Variants in ATG10 observed in about 807,000 individuals in gnomAD.
ATG10 encodes the protein autophagy related 10.
Under a neutral mutation model 32.1 loss-of-function variants are expected in ATG10, and 30 were observed. The ratio of observed to expected loss-of-function variants is 0.94; its 90% CI spans 0.70 to 1.27. The LOEUF (loss-of-function observed/expected upper bound fraction) is 1.27, where lower values mean the gene tolerates loss of function less well. ATG10 is among the 50% of genes most tolerant of loss of function. The probability of loss-of-function intolerance (pLI) is 0.00; values close to 1 mark genes in which losing one functional copy is unlikely to be tolerated. For missense variants in ATG10, 233 were observed against 262.3 expected, an observed-to-expected ratio of 0.89 and a Z score of 0.77; for synonymous variants, 87 against 91.5, an observed-to-expected ratio of 0.95 and a Z score of 0.28.
chr5:82,103,643 A>G (rs1447593987), intron 3 of ATG10, among the ~76,000 whole-genome samples: 1 of 151,738 alleles, frequency 6.6e-6, no homozygotes, highest in African/African-American at 2.4e-5. Flanking sequence ...AGAAACCCAT[A>G]CTCAGTTATG....
At chr5:82,068,424 G>A (rs910509979) in intron 3 of ATG10, among the ~76,000 whole-genome samples, 1 of 152,028 alleles carries the variant, frequency 6.6e-6, no homozygotes, top group Non-Finnish European at 1.5e-5. Flanking sequence ...GGGAAGGATA[G>A]CATTAGGAGA....
intron 5 of ATG10, among the ~76,000 whole-genome samples, chr5:82,190,773 CAAAAAAAAAAAAAAA>C (rs35513819): frequency 3.1e-3 from 167 of 53,702 alleles, no homozygotes; most frequent in African/African-American, 9.6e-3. Context: ...GACTCCATCT[CAAAAAAAAAAAAAAA>C]AAAAAAAAAA....
chr5:82,163,704 A>G (rs1176170191), intron 3 of ATG10, among the ~76,000 whole-genome samples: 1 of 152,164 alleles, frequency 6.6e-6, no homozygotes, highest in Non-Finnish European at 1.5e-5. Flanking sequence ...CACACACAAA[A>G]ATCAACCAGT....
chr5:81,989,110 T>A (rs1761378980), intron 2 of ATG10, among the ~76,000 whole-genome samples: 1 of 152,366 alleles, frequency 6.6e-6, no homozygotes, highest in South Asian at 2.1e-4. Context: ...ATTACAAGCA[T>A]GAGCCACCAC....
At chr5:82,102,568 T>C (rs181953795) in intron 3 of ATG10, among the ~76,000 whole-genome samples, 304 of 152,296 alleles carry the variant, frequency 2.0e-3, no homozygotes, top group African/African-American at 6.7e-3. Context: ...AACATCATTT[T>C]CAAGATTCCA....
chr5:82,233,748 C>A (rs1389690461), intron 5 of ATG10, among the ~76,000 whole-genome samples: 3 of 152,168 alleles, frequency 2.0e-5, no homozygotes, highest in Admixed American at 2.0e-4. Context: ...CTGTCCCCAA[C>A]TTTCTTACTA....
chr5:82,081,657 C>T (rs1340856581), intron 3 of ATG10, among the ~76,000 whole-genome samples: 1 of 152,118 alleles, frequency 6.6e-6, no homozygotes, highest in East Asian at 1.9e-4. Context: ...TGCTGGATTA[C>T]GTTTATTGAT....
At position 82,128,490 on chromosome 5, in the gene ATG10, C is replaced by T. The variant is rs549087221; in HGVS notation, c.217-35909C>T. Among the ~76,000 whole-genome samples the T allele has an allele frequency of 1.1e-3, 173 of 151,954 alleles. 2 individuals are homozygous for T. Among genetic ancestry groups the T allele is most frequent in the Admixed American group, 2.3e-3 (35 of 15,246 alleles). ...TCTTGTAAGGCAGGCCTGGTGGTGA[C>T]AAAATCTCTCAGCATTTGCTTGTCT... On this transcript the variant is annotated intron_variant, in intron 3 of 7. Coordinates refer to ENST00000282185, the MANE Select transcript of ATG10 (RefSeq NM_031482.5).
chr5:82,217,692 T>TG (rs1561362777), intron 5 of ATG10, among the ~76,000 whole-genome samples: 1 of 151,684 alleles, frequency 6.6e-6, no homozygotes, highest in African/African-American at 2.4e-5. Flanking sequence ...TCAAAACAGC[T>TG]GGCCATGTGT....
rs139687676 is a variant in ATG10, at chr5:82,178,550, G to A, written c.416G>A (p.Arg139Gln). Residue 139 changes from arginine to glutamine, a missense_variant, in exon 5 of 8, where the codon CGA (arginine) becomes CAA (glutamine). Transcript: ENST00000282185. ...WEGVHECYKM[R>Q]LLQGPWDTIT... ...GGAGTTCATGAGTGCTATAAGATGC[G>A]ACTGCTACAGGGACCATGGGACACT... is the stretch of plus-strand genomic sequence containing the variant. The A allele has an allele frequency of 6.8e-6, 11 of 1,612,154 alleles. No homozygotes were observed. The highest frequency in any genetic ancestry group is 2.7e-5 in the African/African-American group (2 of 74,920).
chr5:82,033,877 A>G (rs1408665920), intron 2 of ATG10, among the ~76,000 whole-genome samples: 1 of 150,438 alleles, frequency 6.6e-6, no homozygotes, highest in East Asian at 1.9e-4. Flanking sequence ...ATGTGTATCT[A>G]TAAACATATT....
chr5:82,249,681 G>A (rs1191952086), intron 5 of ATG10, among the ~76,000 whole-genome samples: 1 of 152,212 alleles, frequency 6.6e-6, no homozygotes, highest in Non-Finnish European at 1.5e-5. Context: ...CAGCTACCAA[G>A]TGGTAGAGCA....
chr5:82,016,096 G>A (rs916563334), intron 2 of ATG10, among the ~76,000 whole-genome samples: 8 of 151,956 alleles, frequency 5.3e-5, no homozygotes, highest in African/African-American at 1.7e-4. Context: ...AAATTGTCTC[G>A]TCTATTTATC....
intron 3 of ATG10, among the ~76,000 whole-genome samples, chr5:82,061,035 A>AATCC (rs2149753947): frequency 6.6e-6 from 1 of 152,274 alleles, no homozygotes; most frequent in Admixed American, 6.5e-5. Flanking sequence ...ACTCCCTTGA[A>AATCC]ATCCCTAAGG....
At chr5:82,099,617 A>G (rs1251939771) in intron 3 of ATG10, among the ~76,000 whole-genome samples, 5 of 152,156 alleles carry the variant, frequency 3.3e-5, no homozygotes, top group Non-Finnish European at 7.4e-5. Context: ...TAAAGTCAAT[A>G]ATAATAATCA....
chr5:82,105,084 G>C (rs1394668137), intron 3 of ATG10, among the ~76,000 whole-genome samples: 3 of 152,098 alleles, frequency 2.0e-5, no homozygotes, highest in Non-Finnish European at 2.9e-5. Context: ...CAAAGCGGGA[G>C]CCTGGTTAAT....
At chr5:82,003,691 G>A (rs953942750) in intron 2 of ATG10, among the ~76,000 whole-genome samples, 5 of 152,228 alleles carry the variant, frequency 3.3e-5, no homozygotes, top group Admixed American at 2.0e-4. Flanking sequence ...ATCATTGGAA[G>A]TTTATAGGAC....
chr5:81,986,081 T>A (rs1412208758), intron 1 of ATG10, among the ~76,000 whole-genome samples: 2 of 151,830 alleles, frequency 1.3e-5, no homozygotes, highest in Non-Finnish European at 2.9e-5. Context: ...CCTAATTTTT[T>A]GTATTTTTAG....
chr5:82,252,302 A>G (rs2150031913), intron 5 of ATG10, among the ~76,000 whole-genome samples: 1 of 152,336 alleles, frequency 6.6e-6, no homozygotes, highest in South Asian at 2.1e-4. Flanking sequence ...AAATGCAACT[A>G]CAGTTTATAT....
Sources: gnomAD v4.1 joint callset for allele counts (sites outside exome capture counted in the v4.1 genomes callset) on GRCh38, gnomAD v4.1.1 for gene constraint, MANE v1.5 for transcripts, NCBI Gene and HGNC (gene_info 2026-07-23, HGNC 2026-07-21) for gene names.